Variants in GALK2 observed in about 807,000 individuals in gnomAD.
The protein encoded by GALK2 is galactokinase 2.
Under a neutral mutation model 52.4 loss-of-function variants are expected in GALK2, and 36 were observed. The observed-to-expected ratio is 0.69, with a 90% CI of 0.53 to 0.91. The LOEUF is 0.91. Among genes scored for constraint, GALK2 ranks in the 40% least tolerant of loss-of-function variants. The pLI, the probability that GALK2 is intolerant of heterozygous loss-of-function variation, is 0.00. For synonymous variants in GALK2, 176 were observed against 199.1 expected (o/e 0.88, Z 0.98); for missense variants, 579 against 559.1 (o/e 1.04, Z -0.36).
At chr15:49,362,489 A>G (rs2044413467) in intron 3 of GALK2, among the ~76,000 whole-genome samples, 1 of 150,814 alleles carries the variant, frequency 6.6e-6, no homozygotes, top group African/African-American at 2.4e-5. Flanking sequence ...CAGCATGAAA[A>G]CCGACTAATA....
chr15:49,344,129 T>A (rs910046593), intron 3 of GALK2: 9 of 152,208 alleles, frequency 5.9e-5, no homozygotes, highest in African/African-American at 2.2e-4. Context: ...AAATCTCATA[T>A]TGATGAATGT....
intron 1 of GALK2, among the ~76,000 whole-genome samples, chr15:49,192,997 CTT>C (rs35231463): frequency 3.0e-5 from 2 of 67,090 alleles, no homozygotes; most frequent in African/African-American, 1.1e-4. Context: ...CTGTTTATAC[CTT>C]TTTTTTTTTT....
At chr15:49,365,379 A>G (rs2044962604) in intron 3 of GALK2, 2 of 1,255,182 alleles carry the variant, frequency 1.6e-6, no homozygotes, top group Non-Finnish European at 1.2e-6. Flanking sequence ...GAAACATAGT[A>G]TATATACGAA....
Position 49,245,146 on chromosome 15 carries a change from G to A in GALK2, c.504+5779G>A, listed in dbSNP as rs142349706. ...ACTTTATTGAGAAAGGTGGAGGAGG[G>A]TAAAGGAAAGGTGGATGTAAGAGAG... is the stretch of plus-strand genomic sequence containing the variant. On this transcript the variant is annotated intron_variant, in intron 5 of 9. Coordinates refer to ENST00000560031, the MANE Select transcript of GALK2 (RefSeq NM_002044.4). Among the ~76,000 whole-genome samples the A allele has an allele frequency of 1.8e-3, 280 of 152,234 alleles. 2 individuals carry two copies. Among genetic ancestry groups the A allele is most frequent in the African/African-American group, 6.2e-3 (259 of 41,512 alleles).
chr15:49,246,339 A>G (rs1435226763), intron 5 of GALK2, among the ~76,000 whole-genome samples: 1 of 152,170 alleles, frequency 6.6e-6, no homozygotes, highest in African/African-American at 2.4e-5. Context: ...AAGGTGTGTT[A>G]GACTAGCATC....
chr15:49,229,011 A>G (rs545896472), intron 3 of GALK2, among the ~76,000 whole-genome samples: 83 of 152,126 alleles, frequency 5.5e-4, no homozygotes, highest in Admixed American at 4.6e-3. Context: ...AGCTTTTTAA[A>G]TGTCATTACT....
At chr15:49,309,510 A>G (rs1291336689) in intron 8 of GALK2, among the ~76,000 whole-genome samples, 2 of 152,204 alleles carry the variant, frequency 1.3e-5, no homozygotes, top group East Asian at 1.9e-4. Flanking sequence ...ATATAGGTAT[A>G]CAAATGTGTA....
chr15:49,213,161 T>A (rs908550996), intron 2 of GALK2, among the ~76,000 whole-genome samples: 3 of 152,246 alleles, frequency 2.0e-5, no homozygotes, highest in East Asian at 1.9e-4. Context: ...GTTTTACATA[T>A]CTGAGTGCTC....
chr15:49,317,066 A>G (rs1233366783), intron 8 of GALK2, among the ~76,000 whole-genome samples: 1 of 152,172 alleles, frequency 6.6e-6, no homozygotes, highest in Non-Finnish European at 1.5e-5. Flanking sequence ...TATGGGGGGA[A>G]TGTTGAAGGA....
At position 49,328,554 on chromosome 15, in the gene GALK2, A is replaced by G; in HGVS notation, c.*395A>G. 1 of 1,606,824 alleles carries G rather than the reference A, an allele frequency of 6.2e-7. No homozygotes were observed. The highest frequency in any genetic ancestry group is 8.5e-7 in the Non-Finnish European group (1 of 1,175,388). ...TATGCATTATTCTTGAATAGAGTTC[A>G]TTTCTGGTTTCTCTTAGTATTCTTC... On this transcript the variant is annotated 3_prime_UTR_variant, in exon 10 of 10. Transcript: ENST00000560031.
At chr15:49,235,389 A>G (rs769110774) in intron 3 of GALK2, among the ~76,000 whole-genome samples, 3 of 152,188 alleles carry the variant, frequency 2.0e-5, no homozygotes, top group Non-Finnish European at 2.9e-5. Context: ...TAAATTGATT[A>G]TGCATCAAAA....
At chr15:49,217,797 A>G (rs2089502460) in intron 3 of GALK2, among the ~76,000 whole-genome samples, 1 of 152,204 alleles carries the variant, frequency 6.6e-6, no homozygotes, top group Non-Finnish European at 1.5e-5. Context: ...TATAAAACAG[A>G]GTCTGGTGCC....
In GALK2 at chr15:49,345,256, A is replaced by G. The variant is rs138916452; in HGVS notation, c.427-22235A>G. Among the ~76,000 whole-genome samples the G allele has an allele frequency of 1.9e-3, 288 of 152,330 alleles. 2 individuals are homozygous for G. Among genetic ancestry groups the G allele is most frequent in the African/African-American group, 6.4e-3 (267 of 41,574 alleles). The stretch of plus-strand genomic sequence containing the variant: ...TTCTTATAAATTATTAATTTTGAAC[A>G]TATGACTTTATTGAAATGAACTGGG... On this transcript the variant is annotated intron_variant, in intron 3 of 3. Coordinates refer to the GALK2 transcript ENST00000558399.
intron 5 of GALK2, among the ~76,000 whole-genome samples, chr15:49,243,649 G>A (rs2091205838): frequency 6.6e-6 from 1 of 151,968 alleles, no homozygotes; most frequent in Non-Finnish European, 1.5e-5. Context: ...GAGAAAACAG[G>A]AAACTAGAGG....
chr15:49,249,088 A>G (rs186361777), intron 5 of GALK2, among the ~76,000 whole-genome samples: 5 of 152,322 alleles, frequency 3.3e-5, no homozygotes, highest in Admixed American at 1.3e-4. Context: ...GAATAATGCA[A>G]GTGATATTAA....
chr15:49,267,543 G>A (rs558650513), intron 5 of GALK2, among the ~76,000 whole-genome samples: 4 of 152,264 alleles, frequency 2.6e-5, no homozygotes, highest in Admixed American at 6.5e-5. Flanking sequence ...TGGCAGCAGT[G>A]TTTCTAGTAA....
chr15:49,167,549 G>A (rs2084862388), upstream of GALK2, among the ~76,000 whole-genome samples: 1 of 152,066 alleles, frequency 6.6e-6, no homozygotes, highest in African/African-American at 2.4e-5. Flanking sequence ...AGTAGAGATG[G>A]GGTTTCACCA....
chr15:49,322,801 CA>C (rs1189930189), intron 9 of GALK2, among the ~76,000 whole-genome samples: 1 of 151,658 alleles, frequency 6.6e-6, no homozygotes, highest in Non-Finnish European at 1.5e-5. Flanking sequence ...ATTAAAAATA[CA>C]AAAAATTAGC....
chr15:49,257,250 T>G (rs2091851607), intron 5 of GALK2, among the ~76,000 whole-genome samples: 1 of 152,158 alleles, frequency 6.6e-6, no homozygotes, highest in Non-Finnish European at 1.5e-5. Flanking sequence ...TTTAAGCATG[T>G]GAATTAGTAA....
Sources: allele counts gnomAD v4.1 joint callset (sites outside exome capture counted in the v4.1 genomes callset), GRCh38; gene constraint gnomAD v4.1.1; transcripts MANE v1.5; gene names NCBI Gene and HGNC (gene_info 2026-07-23, HGNC 2026-07-21).